Variants in BICRA observed in about 807,000 individuals in gnomAD.
BICRA encodes BRD4 interacting chromatin remodeling complex associated protein, also known as BRD4-interacting chromatin-remodeling complex-associated protein.
BICRA carries 31 observed loss-of-function variants against 96.9 expected under a neutral mutation model. The ratio of observed to expected loss-of-function variants is 0.32; its 90% CI spans 0.24 to 0.43. The LOEUF (loss-of-function observed/expected upper bound fraction) is 0.43, where lower values mean the gene tolerates loss of function less well. Ranked by LOEUF, BICRA falls within the 20% of genes least tolerant of loss-of-function variation. BICRA has a pLI of 1.00. For missense variants in BICRA, 2,283 were observed against 2,190.3 expected, an observed-to-expected ratio of 1.04 and a Z score of -0.84; for synonymous variants, 1,350 against 1,071.8, an observed-to-expected ratio of 1.26 and a Z score of -5.07.
intron 1 of BICRA, among the ~76,000 whole-genome samples, chr19:47,627,634 A>T (rs895355): frequency 1.1e-4 from 17 of 152,196 alleles, no homozygotes; most frequent in African/African-American, 4.1e-4. Flanking sequence ...TTGCAGTTCC[A>T]CTTTGCCCCA....
At chr19:47,627,844 A>G (rs1972163338) in intron 1 of BICRA, among the ~76,000 whole-genome samples, 1 of 152,100 alleles carries the variant, frequency 6.6e-6, no homozygotes, top group Admixed American at 6.6e-5. Flanking sequence ...ATCTCGGCTC[A>G]CTGCAACCTC....
intron 1 of BICRA, among the ~76,000 whole-genome samples, chr19:47,610,037 G>C (rs1971877147): frequency 2.0e-5 from 3 of 152,186 alleles, no homozygotes; most frequent in Non-Finnish European, 4.4e-5. Context: ...CCCTCGGCCT[G>C]GGAACGGGAG....
chr19:47,686,387 T>G (rs1427288327), intron 7 of BICRA, among the ~76,000 whole-genome samples: 1 of 152,040 alleles, frequency 6.6e-6, no homozygotes, highest in Non-Finnish European at 1.5e-5. Context: ...TTGTTTTTTC[T>G]GGGGTTAGCG....
At chr19:47,619,332 G>A (rs1464718690) in intron 1 of BICRA, among the ~76,000 whole-genome samples, 2 of 150,308 alleles carry the variant, frequency 1.3e-5, no homozygotes, top group African/African-American at 2.5e-5. Flanking sequence ...ATCTCGGCTC[G>A]TTGCAACCTC....
Position 47,698,825 on chromosome 19 carries a change from C to T in BICRA, c.3397+43C>T, listed in dbSNP as rs374609233. 29 of 1,517,254 alleles carry T rather than the reference C, an allele frequency of 1.9e-5. No homozygotes were observed. In the Middle Eastern group the frequency reaches 5.1e-4, roughly 27 times the overall value. 94.0% of individuals were successfully genotyped at this position (1,517,254 alleles called of 1,614,324 possible). A position where few individuals can be genotyped will look rare whatever the true frequency, so the allele number is the denominator to read the frequency against. On this transcript the variant is annotated intron_variant, in intron 12 of 14. Transcript: ENST00000594866. This position sits in a 1 kb window ranked among gnomAD's most constrained non-coding sequence, Gnocchi z 4.8. ...CACGGCCCTATATGTCCCAGGGGAC[C>T]CCAGCCCGTGGGGCGGGGCGTCGCC...
At chr19:47,612,856 G>C (rs1971929594) in intron 1 of BICRA, among the ~76,000 whole-genome samples, 3 of 152,160 alleles carry the variant, frequency 2.0e-5, no homozygotes, top group African/African-American at 7.2e-5. Context: ...GATCCCAGGA[G>C]CTTTAAGGGA....
intron 11 of BICRA, among the ~76,000 whole-genome samples, chr19:47,697,309 T>C (rs919584007): frequency 6.0e-5 from 9 of 151,024 alleles, no homozygotes; most frequent in Admixed American, 4.0e-4. Flanking sequence ...TTTAAAAACA[T>C]ATAAGTCCGG....
intron 7 of BICRA, among the ~76,000 whole-genome samples, chr19:47,691,351 A>G (rs191060432): frequency 1.8e-4 from 27 of 152,292 alleles, no homozygotes; most frequent in African/African-American, 4.3e-4. Flanking sequence ...GCCAAATTCT[A>G]TTGGCCACAA....
intron 1 of BICRA, among the ~76,000 whole-genome samples, chr19:47,647,138 C>T (rs1972471460): frequency 6.6e-6 from 1 of 152,156 alleles, no homozygotes; most frequent in South Asian, 2.1e-4. Flanking sequence ...TTTCATGGCT[C>T]AGTAATACTC....
At chr19:47,612,512 C>T (rs146082586) in intron 1 of BICRA, among the ~76,000 whole-genome samples, 2,968 of 152,152 alleles carry the variant, frequency 0.02, 40 homozygotes, top group Non-Finnish European at 0.031. Flanking sequence ...CACCTGCAAA[C>T]GAACAATTCC....
At chr19:47,696,738 G>A (rs1973349227) in intron 11 of BICRA, among the ~76,000 whole-genome samples, 1 of 152,228 alleles carries the variant, frequency 6.6e-6, no homozygotes, top group Non-Finnish European at 1.5e-5. Flanking sequence ...GCCAGGCTGG[G>A]GCTCAGGAGG....
In BICRA at chr19:47,675,964, G is replaced by T. The variant is rs1041705112; in HGVS notation, c.150+48G>T. On this transcript the variant is annotated intron_variant, in intron 5 of 14. Transcript: ENST00000594866. The surrounding 1 kb of genome is among the most constrained non-coding windows in gnomAD (Gnocchi z 4.7). The stretch of plus-strand genomic sequence containing the variant: ...ATTGCCTGAGCTGTTGGGGCTGCCA[G>T]CGGGAGGAGGGCCCTGAAGCCAAGA... The T allele has an allele frequency of 5.8e-6, 8 of 1,371,260 alleles. No individual in the cohort carries two copies. The highest frequency in any genetic ancestry group is 8.2e-6 in the Non-Finnish European group (8 of 978,736). 84.9% of individuals were successfully genotyped at this position (1,371,260 alleles called of 1,614,324 possible).
intron 6 of BICRA, 111 bp downstream of exon 6, chr19:47,681,387 G>A (rs921652627): frequency 7.0e-5 from 55 of 781,146 alleles, no homozygotes; most frequent in Non-Finnish European, 9.9e-5. Flanking sequence ...GTGGCAGCTG[G>A]GGGGGGAAGG....
At position 47,682,138 on chromosome 19, in the gene BICRA, G is replaced by T; in HGVS notation, c.2269G>T (p.Ala757Ser). 6.8e-7 allele frequency: 1 copy of T among 1,476,476 alleles called. No individual in the cohort carries two copies. 91.5% of individuals were successfully genotyped at this position (1,476,476 alleles called of 1,614,324 possible). ...PQAPDSQASP[A>S]PAPQIPAAAP... ...GGCCCCCGACAGCCAGGCTTCCCCG[G>T]CTCCGGCCCCCCAGGTAGAGGGACC... Residue 757 changes from alanine (A) to serine (S), a missense_variant, in exon 7 of 15, where the codon GCT becomes TCT. Coordinates refer to ENST00000594866, the MANE Select transcript of BICRA (RefSeq NM_001394372.1).
intron 1 of BICRA, among the ~76,000 whole-genome samples, chr19:47,659,131 G>T (rs1216780701): frequency 6.6e-6 from 1 of 152,192 alleles, no homozygotes; most frequent in Non-Finnish European, 1.5e-5. Context: ...GAAAAGAGAA[G>T]ATGCATAAAA....
Position 47,685,782 on chromosome 19 carries a change from T to TGCGCGC in BICRA, c.2283+3631_2283+3632insCGCGCG, listed in dbSNP as rs1204894941. ...GTGTGTGTGTGTGTGTGTGTGTGTG[T>TGCGCGC]GTGTGCGCGCGCGCGCGCATGCGTA... On this transcript the variant is annotated intron_variant, in intron 7 of 14. Transcript: ENST00000594866. Among the ~76,000 whole-genome samples, 86 of 124,894 alleles carry TGCGCGC rather than the reference T, an allele frequency of 6.9e-4. No individual in the cohort carries two copies. The East Asian group carries it at 8.6e-3, about 12-fold the overall frequency. The allele number at this position is 124,894 out of a possible 152,430, so 81.9% of individuals were successfully genotyped here.
chr19:47,634,236 G>A (rs1972265331), intron 1 of BICRA, among the ~76,000 whole-genome samples: 1 of 152,198 alleles, frequency 6.6e-6, no homozygotes, highest in Non-Finnish European at 1.5e-5. Flanking sequence ...CCCATTCTCT[G>A]AAGGCTCAGA....
rs922435842 is a variant in BICRA at position 47,658,764 on chromosome 19, G to A, written c.-107-11679G>A. Among the ~76,000 whole-genome samples the A allele has an allele frequency of 2.0e-5, 3 of 152,026 alleles. No individual in the cohort carries two copies. In the East Asian group the frequency reaches 5.8e-4, roughly 29 times the overall value. On this transcript the variant is annotated intron_variant, in intron 1 of 14. Coordinates refer to ENST00000594866, the MANE Select transcript of BICRA (RefSeq NM_001394372.1). ...AGAGTCTCAGGCCGCACCGGGACCT[G>A]CCGATTCCCAGATTCTCAAATCTGT...
At chr19:47,630,142 C>G (rs893963331) in intron 1 of BICRA, among the ~76,000 whole-genome samples, 47 of 148,494 alleles carry the variant, frequency 3.2e-4, no homozygotes, top group African/African-American at 1.2e-3. Flanking sequence ...ATTCTACTCT[C>G]TATATATTGG....
Sources: gnomAD v4.1 joint callset for allele counts (sites outside exome capture counted in the v4.1 genomes callset) on GRCh38, gnomAD v4.1.1 for gene constraint, Gnocchi (gnomAD v3.1) non-coding constraint, MANE v1.5 for transcripts, NCBI Gene and HGNC (gene_info 2026-07-23, HGNC 2026-07-21) for gene names.